AGTR1: variants seen among roughly 807,000 people sequenced by gnomAD.
The protein encoded by AGTR1 is angiotensin II receptor type 1.
In AGTR1, 16 loss-of-function variants were observed where a neutral mutation model predicts 19.4. The observed-to-expected ratio is 0.82, with a 90% CI of 0.56 to 1.25. The LOEUF is 1.25. Among genes scored for constraint, AGTR1 ranks in the 50% most tolerant of loss-of-function variants. The pLI is 0.00. For synonymous variants in AGTR1, 153 were observed against 154.9 expected (o/e 0.99, Z 0.09); for missense variants, 373 against 431.9 (o/e 0.86, Z 1.21).
intron 2 of AGTR1, among the ~76,000 whole-genome samples, chr3:148,732,356 C>A (rs1423716034): frequency 2.6e-5 from 4 of 152,180 alleles, no homozygotes; most frequent in Non-Finnish European, 5.9e-5. Context: ...AGTCTAGAAC[C>A]ACAACCAGCT....
At chr3:148,707,766 C>T (rs1483103042) in intron 1 of AGTR1, among the ~76,000 whole-genome samples, 178 bp from the exon 2 acceptor site, 1 of 152,038 alleles carries the variant, frequency 6.6e-6, no homozygotes, top group Non-Finnish European at 1.5e-5. Context: ...GATCCTGTGC[C>T]CACCACTTAA....
chr3:148,725,458 A>C (rs1202735626), intron 2 of AGTR1, among the ~76,000 whole-genome samples: 1 of 152,208 alleles, frequency 6.6e-6, no homozygotes, highest in Non-Finnish European at 1.5e-5. Context: ...AACAAATTAC[A>C]TCTGTAAAGT....
intron 2 of AGTR1, among the ~76,000 whole-genome samples, chr3:148,723,529 C>T (rs1213936278): frequency 6.6e-6 from 1 of 152,166 alleles, no homozygotes; most frequent in African/African-American, 2.4e-5. Flanking sequence ...GCTGTATTCA[C>T]TCACATAGAG....
At chr3:148,737,426 A>G (rs771140112) in intron 2 of AGTR1, among the ~76,000 whole-genome samples, 1 of 151,736 alleles carries the variant, frequency 6.6e-6, no homozygotes, top group Non-Finnish European at 1.5e-5. Context: ...CTCCCCACCA[A>G]TCTGGGTCAG....
At chr3:148,725,803 C>T (rs1713901400) in intron 2 of AGTR1, among the ~76,000 whole-genome samples, 1 of 152,268 alleles carries the variant, frequency 6.6e-6, no homozygotes, top group East Asian at 1.9e-4. Context: ...TCTCCCTGAC[C>T]TGTGAGACTG....
chr3:148,699,118 GT>G (rs1468111339), intron 1 of AGTR1, among the ~76,000 whole-genome samples: 1 of 152,032 alleles, frequency 6.6e-6, no homozygotes, highest in Non-Finnish European at 1.5e-5. Flanking sequence ...TTTAATGAAA[GT>G]TTGGGTACTG....
At chr3:148,707,018 G>A (rs888166628) in intron 1 of AGTR1, among the ~76,000 whole-genome samples, 1 of 151,804 alleles carries the variant, frequency 6.6e-6, no homozygotes, top group Non-Finnish European at 1.5e-5. Context: ...GGACATTTTT[G>A]TAGCAGCCAA....
intron 2 of AGTR1, among the ~76,000 whole-genome samples, chr3:148,711,810 A>T (rs542164474): frequency 6.6e-6 from 1 of 152,292 alleles, no homozygotes; most frequent in African/African-American, 2.4e-5. Flanking sequence ...GTGTAGTGGC[A>T]TGATCATAGC....
At chr3:148,710,925 G>A (rs748465036) in intron 2 of AGTR1, among the ~76,000 whole-genome samples, 2 of 151,992 alleles carry the variant, frequency 1.3e-5, no homozygotes, top group East Asian at 1.9e-4. Context: ...TCCTGCTCTC[G>A]CCATGTGACA....
In AGTR1 at chr3:148,741,176, C is replaced by G. The variant is rs1478603789; in HGVS notation, c.141C>G (p.Ser47Arg). The G allele has an allele frequency of 6.8e-6, 11 of 1,614,112 alleles. No individual in the cohort carries two copies. The highest frequency in any genetic ancestry group is 9.3e-6 in the Non-Finnish European group (11 of 1,180,004). ...IIFVVGIFGNSLVVIVIYFYM... is the reference protein window; with the variant it reads ...IIFVVGIFGNRLVVIVIYFYM... ...TTGTGGTGGGAATATTTGGAAACAG[C>G]TTGGTGGTGATAGTCATTTACTTTT... The change falls in exon 3 of 3, where the codon AGC (serine) becomes AGG (arginine). Residue 47 changes from serine (S) to arginine (R), a missense_variant. By Grantham distance (110) the Ser-to-Arg change is moderately radical (BLOSUM62 -1). Transcript: ENST00000349243.
chr3:148,737,208 C>T (rs1279796962), intron 2 of AGTR1, among the ~76,000 whole-genome samples: 1 of 152,110 alleles, frequency 6.6e-6, no homozygotes, highest in Admixed American at 6.5e-5. Context: ...CAGTGCACAT[C>T]CAGATCCCAC....
rs140713049 is a variant in AGTR1, at chr3:148,730,636, G to C, written c.-47-10353G>C. On this transcript the variant is annotated intron_variant, in intron 2 of 2. Coordinates refer to ENST00000349243, the MANE Select transcript of AGTR1 (RefSeq NM_000685.5). The stretch of plus-strand genomic sequence containing the variant: ...ATCAGGATTATCAGCATTTAAGCCA[G>C]AGTTGCAAATTAAGTTGCCTACAGG... 7.7e-5 allele frequency: 12 copies of C among 155,312 alleles called. No individual in the cohort carries two copies. In the East Asian group the frequency reaches 1.7e-3, roughly 22 times the overall value. The allele number at this position is 155,312 out of a possible 1,614,324, so 9.6% of individuals were successfully genotyped here.
chr3:148,732,149 A>G (rs930652167), intron 2 of AGTR1, among the ~76,000 whole-genome samples: 2 of 152,240 alleles, frequency 1.3e-5, no homozygotes, highest in Admixed American at 1.3e-4. Context: ...TCTTCACAGG[A>G]CCATGTAATC....
intron 2 of AGTR1, among the ~76,000 whole-genome samples, chr3:148,725,835 G>C (rs1282021745): frequency 6.6e-6 from 1 of 152,126 alleles, no homozygotes; most frequent in East Asian, 1.9e-4. Context: ...TTTCCTATGA[G>C]TCCAGCCAGA....
chr3:148,711,344 A>C (rs1031734886), intron 2 of AGTR1, among the ~76,000 whole-genome samples: 4 of 152,210 alleles, frequency 2.6e-5, no homozygotes, highest in African/African-American at 9.6e-5. Flanking sequence ...TGAGTCATCA[A>C]AGCATCAAGG....
chr3:148,727,468 C>A (rs1714016693), intron 2 of AGTR1, among the ~76,000 whole-genome samples: 1 of 152,146 alleles, frequency 6.6e-6, no homozygotes, highest in Admixed American at 6.5e-5. Flanking sequence ...CAGGGTTTGA[C>A]TTCCGGACTA....
chr3:148,726,527 T>A (rs1713953828), intron 2 of AGTR1, among the ~76,000 whole-genome samples: 1 of 152,204 alleles, frequency 6.6e-6, no homozygotes, highest in Admixed American at 6.5e-5. Context: ...TGATTTATGT[T>A]CATCACCTTC....
intron 1 of AGTR1, among the ~76,000 whole-genome samples, chr3:148,703,652 G>C (rs538106343): frequency 6.6e-6 from 1 of 152,236 alleles, no homozygotes; most frequent in East Asian, 1.9e-4. Context: ...CCCAAAAGCT[G>C]TAACTGATAC....
rs1388228191 is a variant in AGTR1 at position 148,716,435 on chromosome 3, C to G, written c.-48+8408C>G. ...CTAAGGCTGGTTAATAGTACAAATA[C>G]AGTTATTTATTTATAACTAGTGCAA... On this transcript the variant is annotated intron_variant, in intron 2 of 2. Coordinates refer to ENST00000349243, the MANE Select transcript of AGTR1 (RefSeq NM_000685.5). The surrounding 1 kb of genome is among the most constrained non-coding windows in gnomAD (Gnocchi z 4.7). Among the ~76,000 whole-genome samples, 1 of 150,452 alleles carries G rather than the reference C, an allele frequency of 6.6e-6. No homozygotes were observed. Among genetic ancestry groups the G allele is most frequent in the Non-Finnish European group, 1.5e-5 (1 of 67,994 alleles).
Sources: gnomAD v4.1 joint callset for allele counts (sites outside exome capture counted in the v4.1 genomes callset) on GRCh38, gnomAD v4.1.1 for gene constraint, Gnocchi (gnomAD v3.1) non-coding constraint, MANE v1.5 for transcripts, NCBI Gene and HGNC (gene_info 2026-07-23, HGNC 2026-07-21) for gene names.